The following MINK1 variants were observed in gnomAD, a reference collection of about 807,000 sequenced individuals.
MINK1 encodes misshapen like kinase 1, also known as misshapen-like kinase 1.
A neutral mutation model predicts 178.4 loss-of-function variants in MINK1; 46 were observed. The observed-to-expected ratio is 0.26, with a 90% CI of 0.20 to 0.33. The LOEUF is 0.33. Ranked by LOEUF, MINK1 falls within the 10% of genes least tolerant of loss-of-function variation. The pLI, the probability that MINK1 is intolerant of heterozygous loss-of-function variation, is 1.00. For synonymous variants in MINK1, 797 were observed against 709.7 expected, an observed-to-expected ratio of 1.12 and a Z score of -1.96; for missense variants, 1,366 against 1,814.9, an observed-to-expected ratio of 0.75 and a Z score of 4.49.
chr17:4,895,657 A>C lies in MINK1; in HGVS notation c.3230-41A>C. 1 of 1,605,074 alleles carries C rather than the reference A, an allele frequency of 6.2e-7. No individual in the cohort carries two copies. ...CAGGGCGGTGGCATTCGGGCCTCAG[A>C]TGAGAATGGGGGCGGGTGTGTATGT... On this transcript the variant is annotated intron_variant, in intron 26 of 31. Coordinates refer to ENST00000355280, the MANE Select transcript of MINK1 (RefSeq NM_153827.5). The surrounding 1 kb of genome is among the most constrained non-coding windows in gnomAD (Gnocchi z 4.3).
chr17:4,872,681 A>G (rs1420296310), intron 1 of MINK1, among the ~76,000 whole-genome samples: 1 of 151,980 alleles, frequency 6.6e-6, no homozygotes, highest in Non-Finnish European at 1.5e-5. Flanking sequence ...CTGAAGCAGG[A>G]GAATTGCTTG....
chr17:4,848,352 A>G (rs1168506777), intron 1 of MINK1, among the ~76,000 whole-genome samples: 1 of 152,132 alleles, frequency 6.6e-6, no homozygotes, highest in African/African-American at 2.4e-5. Flanking sequence ...TCATACCCCT[A>G]TGCCTCAGTG....
At chr17:4,862,178 G>C (rs1387230775) in intron 1 of MINK1, among the ~76,000 whole-genome samples, 2 of 152,090 alleles carry the variant, frequency 1.3e-5, no homozygotes, top group African/African-American at 4.8e-5. Context: ...CTCTAGCTAA[G>C]TCAAATAAAG....
chr17:4,889,867 T>C (rs1392712655), intron 13 of MINK1, 104 bp downstream of exon 13: 11 of 755,994 alleles, frequency 1.5e-5, no homozygotes, highest in Non-Finnish European at 1.2e-5. Context: ...ACCCCCAGAT[T>C]CCTCCTATCT....
intron 15 of MINK1, 71 bp downstream of exon 15, chr17:4,891,195 C>CCT: frequency 9.5e-7 from 1 of 1,054,228 alleles, no homozygotes; most frequent in South Asian, 1.8e-5. Context: ...TACACACACA[C>CCT]GCGCGCACAC....
intron 1 of MINK1, among the ~76,000 whole-genome samples, chr17:4,874,720 C>T (rs1267706624): frequency 2.0e-5 from 3 of 152,008 alleles, no homozygotes; most frequent in Admixed American, 6.6e-5. Context: ...GGTGAGAGAC[C>T]ACAACCAGAG....
chr17:4,859,217 T>C, intron 1 of MINK1: 1 of 985,446 alleles, frequency 1.0e-6, no homozygotes, highest in Non-Finnish European at 1.2e-6. Flanking sequence ...CCCCAGGCTT[T>C]ATGGTTCCAG....
intron 1 of MINK1, among the ~76,000 whole-genome samples, chr17:4,869,245 ATTATTTATTTATTTATTTATTTATTTAT>A (rs147101749): frequency 7.1e-6 from 1 of 141,476 alleles, no homozygotes; most frequent in Non-Finnish European, 1.5e-5. Context: ...TTTTTAAATT[ATTATTTATTTATTTATTTATTTATTTAT>A]TTATTTATTT....
In MINK1 at chr17:4,886,933, C is replaced by T. The variant is rs572591983; in HGVS notation, c.950-177C>T. Among the ~76,000 whole-genome samples, 3 of 149,602 alleles carry T rather than the reference C, an allele frequency of 2.0e-5. No individual in the cohort carries two copies. The highest frequency in any genetic ancestry group is 6.6e-5 in the Admixed American group (1 of 15,138). On this transcript the variant is annotated intron_variant, in intron 10 of 31. Transcript: ENST00000355280. The surrounding 1 kb of genome is among the most constrained non-coding windows in gnomAD (Gnocchi z 6.1). ...CCTCAGCTGCCCTGGGACCCAGTCC[C>T]GGTCCTGTCCAGGCCCACACCTGAG...
At chr17:4,857,124 C>G (rs1913280664) in intron 1 of MINK1, 1 of 250,546 alleles carries the variant, frequency 4.0e-6, no homozygotes, top group Non-Finnish European at 8.1e-6. Context: ...GCTATAGAGA[C>G]TGTTGTCATC....
Position 4,889,659 on chromosome 17 carries a change from GAGCGGGAGC to G in MINK1, c.1249_1257del (p.Glu417_Arg419del). ...GCTCTCCCCACAGCAACAGCGGCGGGAGCGGGAGCAGCGGAAGCTGCAGGAGAAGGAGCA... is the reference window on the plus strand; with the variant it reads ...GCTCTCCCCACAGCAACAGCGGCGGGAGCGGAAGCTGCAGGAGAAGGAGCA... On this transcript the variant is annotated inframe_deletion, in exon 13 of 32. Transcript: ENST00000355280. 6.4e-7 allele frequency: 1 copy of G among 1,567,668 alleles called. No homozygotes were observed. Among genetic ancestry groups the G allele is most frequent in the Non-Finnish European group, 8.6e-7 (1 of 1,157,628 alleles).
At chr17:4,852,288 T>C (rs547799758) in intron 1 of MINK1, among the ~76,000 whole-genome samples, 2 of 152,234 alleles carry the variant, frequency 1.3e-5, no homozygotes, top group East Asian at 3.9e-4. Context: ...TCTGTATTCA[T>C]TCATTCCACA....
chr17:4,861,249 A>G (rs954026432), intron 1 of MINK1, among the ~76,000 whole-genome samples: 10 of 152,340 alleles, frequency 6.6e-5, no homozygotes, highest in South Asian at 2.1e-4. Flanking sequence ...AGTGCCTTGC[A>G]TTGTATGCGG....
chr17:4,881,081 A>G, intron 3 of MINK1, 41 bp downstream of exon 3: 3 of 1,536,188 alleles, frequency 2.0e-6, no homozygotes, highest in Non-Finnish European at 2.6e-6. Flanking sequence ...CGGACCAGCG[A>G]GAAGGGAGTG....
chr17:4,884,800 C>A, intron 5 of MINK1, 112 bp from the exon 6 acceptor site: 1 of 920,812 alleles, frequency 1.1e-6, no homozygotes, highest in Non-Finnish European at 1.7e-6. Context: ...TCTGCTCCTT[C>A]AGCCCAGCCC....
Position 4,894,982 on chromosome 17 carries a change from T to C in MINK1, c.2918-93T>C, listed in dbSNP as rs1000397648. The stretch of plus-strand genomic sequence containing the variant: ...TCTTTCTCCTCCTTTCTGCGTATTA[T>C]GAGGTGCCAAGACCTGATATAGGGG... On this transcript the variant is annotated intron_variant, in intron 24 of 31. Transcript: ENST00000355280. This position sits in a 1 kb window ranked among gnomAD's most constrained non-coding sequence, Gnocchi z 4.1. The C allele has an allele frequency of 2.3e-5, 31 of 1,336,266 alleles. No homozygotes were observed. In the South Asian group the frequency reaches 3.1e-4, roughly 13 times the overall value. The allele number at this position is 1,336,266 out of a possible 1,614,324, so 82.8% of individuals were successfully genotyped here.
At chr17:4,842,443 C>T (rs1317041785) in intron 1 of MINK1, among the ~76,000 whole-genome samples, 1 of 152,116 alleles carries the variant, frequency 6.6e-6, no homozygotes, top group African/African-American at 2.4e-5. Flanking sequence ...CCTAAGTCCC[C>T]TGTGTACTTC....
chr17:4,841,365 G>A lies in MINK1; in HGVS notation c.57+7725G>A, dbSNP rs113449971. 1.6e-3 allele frequency among the ~76,000 whole-genome samples: 237 copies of A among 152,224 alleles called. 1 individual carries two copies. The highest frequency in any genetic ancestry group is 6.8e-3 in the Middle Eastern group (2 of 294). ...ACCACCTGGGGATGGGATTTGAAGG[G>A]CTTGGGTTGCCGAATTGCTCCTAGA... On this transcript the variant is annotated intron_variant, in intron 1 of 31. Transcript: ENST00000355280.
At position 4,894,474 on chromosome 17, in the gene MINK1, G is replaced by T. The variant is rs1969216572; in HGVS notation, c.2809-51G>T. The T allele has an allele frequency of 6.5e-7, 1 of 1,527,786 alleles. No homozygotes were observed. Among genetic ancestry groups the T allele is most frequent in the Admixed American group, 1.9e-5 (1 of 51,444 alleles). The allele number at this position is 1,527,786 out of a possible 1,614,324, so 94.6% of individuals were successfully genotyped here. ...CCTGGGGAACAGCAGCAGGGGCAGGGCCGCAGCTGGACTTGCACTTGTTTG... is the reference window on the plus strand; with the variant it reads ...CCTGGGGAACAGCAGCAGGGGCAGGTCCGCAGCTGGACTTGCACTTGTTTG... On this transcript the variant is annotated intron_variant, in intron 23 of 31. Transcript: ENST00000355280. The surrounding 1 kb of genome is among the most constrained non-coding windows in gnomAD (Gnocchi z 4.1).
Sources: gnomAD v4.1 joint callset for allele counts (sites outside exome capture counted in the v4.1 genomes callset) on GRCh38, gnomAD v4.1.1 for gene constraint, Gnocchi (gnomAD v3.1) non-coding constraint, MANE v1.5 for transcripts, NCBI Gene and HGNC (gene_info 2026-07-23, HGNC 2026-07-21) for gene names.